MICU2: variants seen among roughly 807,000 people sequenced by gnomAD.
The protein encoded by MICU2 is mitochondrial calcium uptake 2.
MICU2 carries 64 observed loss-of-function variants against 60.4 expected under a neutral mutation model. The ratio of observed to expected loss-of-function variants is 1.06; its 90% CI spans 0.87 to 1.31. The LOEUF is 1.31. MICU2 is among the 50% of genes most tolerant of loss of function. The pLI, the probability that MICU2 is intolerant of heterozygous loss-of-function variation, is 0.00. For synonymous variants in MICU2, 201 were observed against 175.0 expected (o/e 1.15, Z -1.17); for missense variants, 569 against 531.0 (o/e 1.07, Z -0.70).
At chr13:21,587,734 T>C (rs1393626232) in intron 1 of MICU2, among the ~76,000 whole-genome samples, 1 of 152,206 alleles carries the variant, frequency 6.6e-6, no homozygotes, top group Non-Finnish European at 1.5e-5. Flanking sequence ...TTAACAGTCA[T>C]TAATTAGTAC....
chr13:21,584,128 G>A (rs9550748), intron 1 of MICU2, among the ~76,000 whole-genome samples: 25,868 of 152,122 alleles, frequency 0.17, 3,620 homozygotes, highest in East Asian at 0.66. Flanking sequence ...GGTGGCTCAC[G>A]CCTGTAATCC....
chr13:21,567,575 T>C (rs1413953406), intron 1 of MICU2, among the ~76,000 whole-genome samples: 1 of 152,132 alleles, frequency 6.6e-6, no homozygotes, highest in Non-Finnish European at 1.5e-5. Context: ...GAGAGAACCA[T>C]GGGTAGAAAG....
chr13:21,538,798 C>T (rs571262213), intron 4 of MICU2, among the ~76,000 whole-genome samples: 2 of 152,104 alleles, frequency 1.3e-5, no homozygotes, highest in African/African-American at 4.8e-5. Context: ...GGAATCAATA[C>T]CCCATAGATA....
chr13:21,562,629 C>T (rs1432028034), intron 2 of MICU2, among the ~76,000 whole-genome samples: 2 of 152,122 alleles, frequency 1.3e-5, no homozygotes, highest in Non-Finnish European at 2.9e-5. Context: ...CACTATACCA[C>T]TTCGTGGGTG....
At chr13:21,531,394 G>A (rs9506697) in intron 4 of MICU2, 123,289 of 1,021,088 alleles carry the variant, frequency 0.12, 8,204 homozygotes, top group Middle Eastern at 0.2. Context: ...AGTTTAAAAC[G>A]AGAGTGGTCC....
chr13:21,573,792 G>C (rs1888167676), intron 1 of MICU2, among the ~76,000 whole-genome samples: 1 of 151,284 alleles, frequency 6.6e-6, no homozygotes, highest in Non-Finnish European at 1.5e-5. Context: ...ATTCTGAAAA[G>C]GCACACATTG....
intron 1 of MICU2, among the ~76,000 whole-genome samples, chr13:21,591,958 G>A (rs550206929): frequency 6.6e-6 from 1 of 151,936 alleles, no homozygotes; most frequent in South Asian, 2.1e-4. Context: ...AAGACCTAGA[G>A]AGGCAAGGGC....
intron 7 of MICU2, among the ~76,000 whole-genome samples, chr13:21,513,269 C>G (rs911237823): frequency 1.8e-4 from 28 of 152,068 alleles, no homozygotes; most frequent in African/African-American, 5.6e-4. Context: ...CTAGAACTTT[C>G]AGCACTGTAT....
chr13:21,520,009 G>C (rs774496669), intron 6 of MICU2, among the ~76,000 whole-genome samples: 1 of 152,128 alleles, frequency 6.6e-6, no homozygotes, highest in Admixed American at 6.5e-5. Flanking sequence ...TTTCTTTGCA[G>C]TCAATTCCTG....
At chr13:21,574,769 G>T (rs1888186514) in intron 1 of MICU2, among the ~76,000 whole-genome samples, 2 of 152,078 alleles carry the variant, frequency 1.3e-5, no homozygotes, top group Admixed American at 1.3e-4. Context: ...ATATAAAATT[G>T]CTCTGTTGTC....
chr13:21,595,521 C>G (rs1888673651), intron 1 of MICU2, among the ~76,000 whole-genome samples: 2 of 152,238 alleles, frequency 1.3e-5, no homozygotes, highest in South Asian at 4.1e-4. Context: ...CATGGCAGCT[C>G]CAGGGGCCCT....
At chr13:21,593,567 T>A (rs1593360554) in intron 1 of MICU2, among the ~76,000 whole-genome samples, 4 of 13,818 alleles carry the variant, frequency 2.9e-4, no homozygotes, top group African/African-American at 2.8e-4. Context: ...AAGACAATCC[T>A]AAGCAAAAAA....
rs190569047 is a variant in MICU2 at position 21,505,643 on chromosome 13, C to A, written c.762-2546G>T. On this transcript the variant is annotated intron_variant, in intron 8 of 11. Transcript: ENST00000382374. ...CTTTAACTGATGAGTTTCTTTTGAT[C>A]CGTGGTAGTATCTACTGTATATGAC... Among the ~76,000 whole-genome samples, 54 of 152,136 alleles carry A rather than the reference C, an allele frequency of 3.5e-4. No individual in the cohort carries two copies. In the East Asian group the frequency reaches 6.0e-3, roughly 17 times the overall value.
chr13:21,518,988 C>T (rs1337302146), intron 6 of MICU2, among the ~76,000 whole-genome samples: 1 of 152,152 alleles, frequency 6.6e-6, no homozygotes, highest in African/African-American at 2.4e-5. Flanking sequence ...ATGGTTCCAA[C>T]TGACCTACAC....
At chr13:21,496,922 C>T (rs943396685) in intron 9 of MICU2, among the ~76,000 whole-genome samples, 50 of 151,912 alleles carry the variant, frequency 3.3e-4, no homozygotes, top group African/African-American at 8.0e-4. Context: ...ATTAGCCGGG[C>T]GTGGTGGCAG....
At chr13:21,603,773 G>C in intron 1 of MICU2, 166 bp downstream of exon 1, 1 of 733,196 alleles carries the variant, frequency 1.4e-6, no homozygotes, top group Non-Finnish European at 2.2e-6. Context: ...GCCGGGGGCC[G>C]GTCCAGGAAG....
chr13:21,535,750 T>C (rs946129489), intron 4 of MICU2, among the ~76,000 whole-genome samples: 6 of 152,130 alleles, frequency 3.9e-5, no homozygotes, highest in African/African-American at 1.4e-4. Flanking sequence ...CTAATAGAGC[T>C]AGGAATCTAA....
At chr13:21,583,846 A>C (rs73445729) in intron 1 of MICU2, among the ~76,000 whole-genome samples, 3,451 of 152,328 alleles carry the variant, frequency 0.023, 136 homozygotes, top group African/African-American at 0.08. Context: ...TTAAACTGAA[A>C]AAGTTTTTGT....
chr13:21,575,723 C>G (rs1888210817), intron 1 of MICU2, among the ~76,000 whole-genome samples: 1 of 80,702 alleles, frequency 1.2e-5, no homozygotes, highest in African/African-American at 5.3e-5. Context: ...GAGTGAGACT[C>G]TGTCTCAAAA....
Sources: gnomAD v4.1 joint callset for allele counts (sites outside exome capture counted in the v4.1 genomes callset) on GRCh38, gnomAD v4.1.1 for gene constraint, MANE v1.5 for transcripts, NCBI Gene and HGNC (gene_info 2026-07-23, HGNC 2026-07-21) for gene names.